Variants in DMRTA1 observed in about 807,000 individuals in gnomAD.
DMRTA1 encodes the protein doublesex- and mab-3-related transcription factor A1.
DMRTA1 carries 34 observed loss-of-function variants against 35.2 expected under a neutral mutation model. That is an observed-to-expected ratio of 0.97 (90% CI 0.74 to 1.29). The LOEUF (loss-of-function observed/expected upper bound fraction) is 1.29. Among genes scored for constraint, DMRTA1 ranks in the 50% most tolerant of loss-of-function variants. The pLI is 0.00. For missense variants in DMRTA1, 824 were observed against 644.6 expected (o/e 1.28, Z -3.01); for synonymous variants, 344 against 276.6 (o/e 1.24, Z -2.42).
chr9:22,447,590 C>A lies in DMRTA1; in HGVS notation c.525C>A (p.Gly175=). ...CCCCCGGTGGTCGGGCATCCGGGGGCGGCGGCAGAGCCGAGAATCCACAGT... is the reference window on the plus strand; with the variant it reads ...CCCCCGGTGGTCGGGCATCCGGGGGAGGCGGCAGAGCCGAGAATCCACAGT... The part of the protein sequence containing the change: ...SWPPGGRASG[G]GGRAENPQST... Residue 175 remains glycine (G), a synonymous_variant, in exon 1 of 2, where the codon GGC becomes GGA. Transcript: ENST00000325870. 4 of 1,601,534 alleles carry A rather than the reference C, an allele frequency of 2.5e-6. No homozygotes were observed. The highest frequency in any genetic ancestry group is 3.4e-6 in the Non-Finnish European group (4 of 1,175,090).
chr9:22,446,849 G>A lies in DMRTA1; in HGVS notation c.-217G>A, dbSNP rs867757277. 12 of 576,146 alleles carry A rather than the reference G, an allele frequency of 2.1e-5. No individual in the cohort carries two copies. Among genetic ancestry groups the A allele is most frequent in the African/African-American group, 1.6e-4 (8 of 50,064 alleles). 35.7% of individuals were successfully genotyped at this position (576,146 alleles called of 1,614,324 possible). A position where few individuals can be genotyped will look rare whatever the true frequency, so the allele number is the denominator to read the frequency against. On this transcript the variant is annotated 5_prime_UTR_variant, in exon 1 of 2. Transcript: ENST00000325870. The stretch of plus-strand genomic sequence containing the variant: ...AACTTAGCGCCCGGGGTCTCTGCCA[G>A]GCTCACGGGACAGCTGCACCTCTCA...
chr9:22,447,992 A>G (rs1818866561), intron 1 of DMRTA1, among the ~76,000 whole-genome samples: 1 of 152,148 alleles, frequency 6.6e-6, no homozygotes, highest in Non-Finnish European at 1.5e-5. Context: ...GTAACAAATG[A>G]GCAATTCACC....
chr9:22,447,788 C>T (rs1818863127), intron 1 of DMRTA1, 56 bp downstream of exon 1: 2 of 1,600,464 alleles, frequency 1.2e-6, no homozygotes, highest in Admixed American at 1.7e-5. Flanking sequence ...TGGAAAGAAA[C>T]TCTGAAACAA....
rs1818979625 is a variant in DMRTA1, at chr9:22,454,777, A to C, written c.*2866A>C. On this transcript the variant is annotated 3_prime_UTR_variant, in exon 2 of 2. Coordinates refer to ENST00000325870, the MANE Select transcript of DMRTA1 (RefSeq NM_022160.3). ...TTCATAGAGTATTCAGAAGAACATAAGGAATGACTTTTTTCACAGTTAACA... is the reference window on the plus strand; with the variant it reads ...TTCATAGAGTATTCAGAAGAACATACGGAATGACTTTTTTCACAGTTAACA... The C allele has an allele frequency of 6.6e-6, 1 of 152,186 alleles. No homozygotes were observed. The highest frequency in any genetic ancestry group is 1.5e-5 in the Non-Finnish European group (1 of 68,030). 9.4% of individuals were successfully genotyped at this position (152,186 alleles called of 1,614,324 possible).
chr9:22,453,734 G>T lies in DMRTA1; in HGVS notation c.*1823G>T, dbSNP rs1818965854. On this transcript the variant is annotated 3_prime_UTR_variant, in exon 2 of 2. Transcript: ENST00000325870. ...ACAGTTTTGCATACAATTTCACTGG[G>T]TTCTTGAATCTCCTAAATGGTATTC... 6.6e-6 allele frequency: 1 copy of T among 151,950 alleles called. No homozygotes were observed. Among genetic ancestry groups the T allele is most frequent in the Non-Finnish European group, 1.5e-5 (1 of 67,910 alleles). 9.4% of individuals were successfully genotyped at this position (151,950 alleles called of 1,614,324 possible).
rs1818861569 is a variant in DMRTA1 at position 22,447,725 on chromosome 9, A to G, written c.660A>G (p.Glu220=). 1.9e-6 allele frequency: 3 copies of G among 1,613,460 alleles called. No individual in the cohort carries two copies. The African/African-American group carries it at 4.0e-5, about 21-fold the overall frequency. ...FEVFQQDYPE[E]KQEQKESKCE... Reference sequence around the variant, plus strand: ...TTTTCCAGCAAGATTATCCTGAGGAAAAACAAGGTGAGTTGGTCTTTGATT... The same window carrying G: ...TTTTCCAGCAAGATTATCCTGAGGAGAAACAAGGTGAGTTGGTCTTTGATT... Residue 220 remains glutamate, a synonymous_variant, in exon 1 of 2, where the codon GAA becomes GAG. Transcript: ENST00000325870.
Position 22,447,371 on chromosome 9 carries a change from C to T in DMRTA1, c.306C>T (p.Asn102=). The T allele has an allele frequency of 6.5e-7, 1 of 1,548,202 alleles. No individual in the cohort carries two copies. Among genetic ancestry groups the T allele is most frequent in the Non-Finnish European group, 8.7e-7 (1 of 1,150,400 alleles). Residue 102 remains asparagine (N), a synonymous_variant, in exon 1 of 2, where the codon AAC becomes AAT. Transcript: ENST00000325870. ...CGCCCAAGTGCGCCCGCTGTCGTAA[C>T]CATGGTGTGGTGTCAGCGCTCAAGG... The part of the protein sequence containing the change: ...PRTPKCARCR[N]HGVVSALKGH...
chr9:22,449,393 G>T (rs1435348626), intron 1 of DMRTA1, among the ~76,000 whole-genome samples: 1 of 152,126 alleles, frequency 6.6e-6, no homozygotes, highest in Admixed American at 6.5e-5. Context: ...TGTAGGACTT[G>T]AGAAGACAGA....
In DMRTA1 at chr9:22,453,727, T is replaced by G. The variant is rs896764184; in HGVS notation, c.*1816T>G. 6.6e-6 allele frequency: 1 copy of G among 152,108 alleles called. No homozygotes were observed. Among genetic ancestry groups the G allele is most frequent in the African/African-American group, 2.4e-5 (1 of 41,444 alleles). 9.4% of individuals were successfully genotyped at this position (152,108 alleles called of 1,614,324 possible). On this transcript the variant is annotated 3_prime_UTR_variant, in exon 2 of 2. Coordinates refer to ENST00000325870, the MANE Select transcript of DMRTA1 (RefSeq NM_022160.3). ...CAGACACACAGTTTTGCATACAATT[T>G]CACTGGGTTCTTGAATCTCCTAAAT...
At position 22,453,672 on chromosome 9, in the gene DMRTA1, T is replaced by TAAA. The variant is rs1329680399; in HGVS notation, c.*1763_*1765dup. 4 of 152,240 alleles carry TAAA rather than the reference T, an allele frequency of 2.6e-5. No individual in the cohort carries two copies. Among genetic ancestry groups the TAAA allele is most frequent in the African/African-American group, 9.6e-5 (4 of 41,584 alleles). 9.4% of individuals were successfully genotyped at this position (152,240 alleles called of 1,614,324 possible). A position where few individuals can be genotyped will look rare whatever the true frequency, so the allele number is the denominator to read the frequency against. ...ATAATAGATCTCTTTGAGACTCTGA[T>TAAA]AAAACTGAAGAACTCTACAAAATGG... On this transcript the variant is annotated 3_prime_UTR_variant, in exon 2 of 2. Transcript: ENST00000325870.
At chr9:22,447,881 TTAA>T in intron 1 of DMRTA1, 149 bp downstream of exon 1, 1 of 905,158 alleles carries the variant, frequency 1.1e-6, no homozygotes, top group Non-Finnish European at 1.7e-6. Flanking sequence ...AATATGGACA[TTAA>T]TGAGAGTGTG....
rs763183946 is a variant in DMRTA1, at chr9:22,447,242, C to A, written c.177C>A (p.Ala59=). ...RPPSLFLRAA[A]AAAAAAAATS... is the part of the protein sequence containing the mutation. ...CCAGCCTCTTTCTGCGAGCAGCGGC[C>A]GCGGCCGCCGCCGCCGCTGCCGCCA... is the stretch of plus-strand genomic sequence containing the variant. Residue 59 remains alanine, a synonymous_variant, in exon 1 of 2, where the codon GCC becomes GCA. Transcript: ENST00000325870. 6.6e-7 allele frequency: 1 copy of A among 1,508,118 alleles called. No homozygotes were observed. The highest frequency in any genetic ancestry group is 8.8e-7 in the Non-Finnish European group (1 of 1,136,064). The allele number at this position is 1,508,118 out of a possible 1,614,324, so 93.4% of individuals were successfully genotyped here. A position where few individuals can be genotyped will look rare whatever the true frequency, so the allele number is the denominator to read the frequency against.
Position 22,446,976 on chromosome 9 carries a change from G to T in DMRTA1, c.-90G>T. ...GTGGAGCTCAGTAGGACCACGGCGC[G>T]TCCTGCCCCGGCTTCCCCAGCCTCC... On this transcript the variant is annotated 5_prime_UTR_variant, in exon 1 of 2. Coordinates refer to ENST00000325870, the MANE Select transcript of DMRTA1 (RefSeq NM_022160.3). 1 of 1,503,980 alleles carries T rather than the reference G, an allele frequency of 6.6e-7. No homozygotes were observed. Among genetic ancestry groups the T allele is most frequent in the Non-Finnish European group, 9.0e-7 (1 of 1,116,268 alleles). The allele number at this position is 1,503,980 out of a possible 1,614,324, so 93.2% of individuals were successfully genotyped here. A position where few individuals can be genotyped will look rare whatever the true frequency, so the allele number is the denominator to read the frequency against.
At position 22,447,564 on chromosome 9, in the gene DMRTA1, C is replaced by T. The variant is rs539265325; in HGVS notation, c.499C>T (p.Pro167Ser). ...GCTCCTGTGCTCGGGGCTCTCCTGG[C>T]CCCCCGGTGGTCGGGCATCCGGGGG... The part of the protein sequence containing the change: ...QRLLCSGLSW[P>S]PGGRASGGGG... Residue 167 changes from proline (P) to serine (S), a missense_variant, in exon 1 of 2, where the codon CCC becomes TCC. Transcript: ENST00000325870. The T allele has an allele frequency of 1.4e-5, 22 of 1,594,052 alleles. No individual in the cohort carries two copies. The highest frequency in any genetic ancestry group is 6.9e-5 in the Admixed American group (4 of 58,118).
Position 22,447,422 on chromosome 9 carries a change from G to A in DMRTA1, c.357G>A (p.Arg119=). The part of the protein sequence containing the change: ...LKGHKRFCRW[R]DCACAKCTLI... Reference sequence around the variant, plus strand: ...GCCACAAGCGCTTCTGCCGCTGGCGGGACTGCGCGTGTGCCAAGTGCACCC... The same window carrying A: ...GCCACAAGCGCTTCTGCCGCTGGCGAGACTGCGCGTGTGCCAAGTGCACCC... Residue 119 remains arginine (R), a synonymous_variant, in exon 1 of 2, where the codon CGG becomes CGA. Coordinates refer to ENST00000325870, the MANE Select transcript of DMRTA1 (RefSeq NM_022160.3). 1 of 1,552,642 alleles carries A rather than the reference G, an allele frequency of 6.4e-7. No individual in the cohort carries two copies. Among genetic ancestry groups the A allele is most frequent in the South Asian group, 1.2e-5 (1 of 84,778 alleles).
chr9:22,448,128 A>G (rs1818868658), intron 1 of DMRTA1, among the ~76,000 whole-genome samples: 1 of 152,174 alleles, frequency 6.6e-6, no homozygotes, highest in South Asian at 2.1e-4. Context: ...TACTCTTTCC[A>G]GACAGGATCT....
At chr9:22,450,828 T>C (rs980756397) in intron 1 of DMRTA1, among the ~76,000 whole-genome samples, 1 of 152,204 alleles carries the variant, frequency 6.6e-6, no homozygotes, top group Non-Finnish European at 1.5e-5. Context: ...ATTTTAATAT[T>C]GCATACCTTT....
At position 22,453,593 on chromosome 9, in the gene DMRTA1, T is replaced by C. The variant is rs1283852043; in HGVS notation, c.*1682T>C. The C allele has an allele frequency of 6.6e-6, 1 of 152,108 alleles. No homozygotes were observed. The highest frequency in any genetic ancestry group is 1.5e-5 in the Non-Finnish European group (1 of 67,952). The allele number at this position is 152,108 out of a possible 1,614,324, so 9.4% of individuals were successfully genotyped here. A position where few individuals can be genotyped will look rare whatever the true frequency, so the allele number is the denominator to read the frequency against. ...TCTAAGCCTAAACCGTAGTACAATG[T>C]CTAGCAAGTAGTTGAAATTCAATTC... is the stretch of plus-strand genomic sequence containing the variant. On this transcript the variant is annotated 3_prime_UTR_variant, in exon 2 of 2. Coordinates refer to ENST00000325870, the MANE Select transcript of DMRTA1 (RefSeq NM_022160.3).
intron 1 of DMRTA1, among the ~76,000 whole-genome samples, chr9:22,449,103 A>G (rs1818884776): frequency 6.6e-6 from 1 of 152,148 alleles, no homozygotes; most frequent in African/African-American, 2.4e-5. Context: ...TTTGCCTCAG[A>G]TGATGCCCCC....
Sources: gnomAD v4.1 joint callset for allele counts (sites outside exome capture counted in the v4.1 genomes callset) on GRCh38, gnomAD v4.1.1 for gene constraint, MANE v1.5 for transcripts, NCBI Gene and HGNC (gene_info 2026-07-23, HGNC 2026-07-21) for gene names.